The following SAMD12 variants were observed in gnomAD, a reference collection of about 807,000 sequenced individuals.
The protein encoded by SAMD12 is sterile alpha motif domain containing 12.
In SAMD12, 9 loss-of-function variants were observed where a neutral mutation model predicts 15.0. The observed-to-expected ratio is 0.60, with a 90% CI of 0.36 to 1.05. The LOEUF (loss-of-function observed/expected upper bound fraction) is 1.05. Ranked by LOEUF, SAMD12 falls within the 50% of genes least tolerant of loss-of-function variation. SAMD12 has a pLI of 0.01. For missense variants in SAMD12, 230 were observed against 234.2 expected, an observed-to-expected ratio of 0.98 and a Z score of 0.12; for synonymous variants, 86 against 90.1, an observed-to-expected ratio of 0.96 and a Z score of 0.25.
At chr8:118,268,067 G>C (rs1813251570) in intron 4 of SAMD12, among the ~76,000 whole-genome samples, 1 of 152,060 alleles carries the variant, frequency 6.6e-6, no homozygotes, top group Non-Finnish European at 1.5e-5. Context: ...ACTCCAGCCT[G>C]GGCAACAGAG....
rs11993491 is a variant in SAMD12, at chr8:118,223,203, T to C, written c.434-25471A>G. Reference sequence around the variant, plus strand: ...TCTTGACAGCCTCTGGAGTCTTTCTTCTTTTCTGAAAGCCAAACACAAACC... The same window carrying C: ...TCTTGACAGCCTCTGGAGTCTTTCTCCTTTTCTGAAAGCCAAACACAAACC... On this transcript the variant is annotated intron_variant, in intron 4 of 4. Coordinates refer to the SAMD12 transcript ENST00000409003. 3.3e-3 allele frequency among the ~76,000 whole-genome samples: 509 copies of C among 152,340 alleles called. 5 individuals are homozygous for C. The highest frequency in any genetic ancestry group is 0.012 in the African/African-American group (487 of 41,572).
chr8:118,535,532 C>T lies in SAMD12; in HGVS notation c.192+45183G>A, dbSNP rs191013433. On this transcript the variant is annotated intron_variant, in intron 2 of 3. Coordinates refer to ENST00000314727, the MANE Select transcript of SAMD12 (RefSeq NM_207506.3). ...TTCTGCTTCCTTTTGTTCAGCTATG[C>T]CCTGCCCCCAGAGGTGGAGTCTACA... is the stretch of plus-strand genomic sequence containing the variant. Among the ~76,000 whole-genome samples, 582 of 152,346 alleles carry T rather than the reference C, an allele frequency of 3.8e-3. 3 individuals carry two copies. The highest frequency in any genetic ancestry group is 0.017 in the Middle Eastern group (5 of 294).
chr8:118,140,103 A>C, the SAMD12 span, among the ~76,000 whole-genome samples: 98 of 152,314 alleles, frequency 6.4e-4, 1 homozygote, highest in Middle Eastern at 0.01. Flanking sequence ...TCCCTCCCTT[A>C]TTCTTTCAAA....
At chr8:118,531,785 G>C (rs971617796) in intron 2 of SAMD12, among the ~76,000 whole-genome samples, 2 of 152,202 alleles carry the variant, frequency 1.3e-5, no homozygotes, top group African/African-American at 2.4e-5. Context: ...TTTGTATCCT[G>C]AGACTTTGCT....
At chr8:118,365,923 C>T (rs980019287) in intron 4 of SAMD12, among the ~76,000 whole-genome samples, 2 of 152,020 alleles carry the variant, frequency 1.3e-5, no homozygotes, top group African/African-American at 4.8e-5. Context: ...ACTTGCTCCC[C>T]AAAGCATAAT....
the SAMD12 span, among the ~76,000 whole-genome samples, chr8:118,158,053 G>T: frequency 2.0e-5 from 3 of 152,146 alleles, no homozygotes; most frequent in Non-Finnish European, 4.4e-5. Context: ...AGTCCAGGGA[G>T]GCCAAGCTTT....
At chr8:118,170,707 A>G in the SAMD12 span, among the ~76,000 whole-genome samples, 1 of 152,222 alleles carries the variant, frequency 6.6e-6, no homozygotes, top group African/African-American at 2.4e-5. Context: ...GTAGATGTAG[A>G]AGATAAAATG....
chr8:118,297,198 T>G lies in SAMD12; in HGVS notation c.433+82362A>C, dbSNP rs1008355003. Among the ~76,000 whole-genome samples, 2 of 152,352 alleles carry G rather than the reference T, an allele frequency of 1.3e-5. 1 individual carries two copies. The highest frequency in any genetic ancestry group is 4.1e-4 in the South Asian group (2 of 4,822). ...AGGAGCCAGGCATTTATTTCATCCA[T>G]GTTCACCATGGCTCACCATGTAACT... On this transcript the variant is annotated intron_variant, in intron 4 of 4. Transcript: ENST00000409003.
At chr8:118,313,770 C>T (rs1815745608) in intron 4 of SAMD12, among the ~76,000 whole-genome samples, 1 of 151,788 alleles carries the variant, frequency 6.6e-6, no homozygotes, top group South Asian at 2.1e-4. Flanking sequence ...AATATTTACC[C>T]TGGTTTCTAT....
At chr8:118,185,590 A>G (rs941328077), downstream of SAMD12, among the ~76,000 whole-genome samples, 6 of 152,232 alleles carry the variant, frequency 3.9e-5, no homozygotes, top group Admixed American at 6.5e-5. Flanking sequence ...AAAGCTGAGG[A>G]TAAGTTTGTA....
the SAMD12 span, among the ~76,000 whole-genome samples, chr8:118,173,693 A>C: frequency 6.7e-6 from 1 of 149,394 alleles, no homozygotes; most frequent in African/African-American, 2.5e-5. Context: ...ACAGTGGTAC[A>C]ATCTCAGCTC....
chr8:118,287,173 G>C (rs1210504062), intron 4 of SAMD12, among the ~76,000 whole-genome samples: 5 of 147,414 alleles, frequency 3.4e-5, no homozygotes, highest in Non-Finnish European at 7.4e-5. Flanking sequence ...CGCCCAGGCC[G>C]GACTACAGTG....
At chr8:118,450,831 T>C (rs923100083) in intron 2 of SAMD12, among the ~76,000 whole-genome samples, 24 of 152,152 alleles carry the variant, frequency 1.6e-4, no homozygotes, top group Admixed American at 9.8e-4. Flanking sequence ...TTCTGAGATA[T>C]ATTTCCAAGA....
chr8:118,435,661 CT>C, intron 3 of SAMD12, among the ~76,000 whole-genome samples: 2 of 152,262 alleles, frequency 1.3e-5, no homozygotes, highest in South Asian at 4.1e-4. Context: ...ATTTAAAGTT[CT>C]TCAAATAAAC....
intron 2 of SAMD12, among the ~76,000 whole-genome samples, chr8:118,478,065 G>A (rs2515008): frequency 0.82 from 122,731 of 150,078 alleles, 50,548 homozygotes; most frequent in African/African-American, 0.92. Flanking sequence ...TTGCCTGCCT[G>A]ACTCTGCACC....
At chr8:118,481,650 G>T (rs1285440481) in intron 2 of SAMD12, among the ~76,000 whole-genome samples, 2 of 152,008 alleles carry the variant, frequency 1.3e-5, no homozygotes, top group African/African-American at 2.4e-5. Context: ...GATGGTCTGG[G>T]GACACAGGAG....
At chr8:118,283,824 A>C (rs1300428921) in intron 4 of SAMD12, among the ~76,000 whole-genome samples, 1 of 152,188 alleles carries the variant, frequency 6.6e-6, no homozygotes, top group Non-Finnish European at 1.5e-5. Flanking sequence ...TAAACAGGGG[A>C]ACTTGGGCTT....
chr8:118,565,024 G>A lies in SAMD12; in HGVS notation c.192+15691C>T, dbSNP rs142589323. On this transcript the variant is annotated intron_variant, in intron 2 of 3. Coordinates refer to ENST00000314727, the MANE Select transcript of SAMD12 (RefSeq NM_207506.3). ...CCACTATCTAGAACTAGTCGTTCTGGGAGATTGAGAAGTACAGTATCCCAA... is the reference window on the plus strand; with the variant it reads ...CCACTATCTAGAACTAGTCGTTCTGAGAGATTGAGAAGTACAGTATCCCAA... 9.0e-3 allele frequency among the ~76,000 whole-genome samples: 1,365 copies of A among 152,274 alleles called. 27 individuals are homozygous for A. The highest frequency in any genetic ancestry group is 0.029 in the African/African-American group (1,222 of 41,538).
At chr8:118,152,525 G>A in the SAMD12 span, among the ~76,000 whole-genome samples, 2 of 134,442 alleles carry the variant, frequency 1.5e-5, no homozygotes, top group African/African-American at 2.8e-5. Context: ...TTTTTTGACA[G>A]AGTTGTTCTT....
Sources: gnomAD v4.1 joint callset for allele counts (sites outside exome capture counted in the v4.1 genomes callset) on GRCh38, gnomAD v4.1.1 for gene constraint, MANE v1.5 for transcripts, NCBI Gene and HGNC (gene_info 2026-07-23, HGNC 2026-07-21) for gene names.